KCNMA1: variants seen among roughly 807,000 people sequenced by gnomAD.
KCNMA1 encodes the protein potassium calcium-activated channel subfamily M alpha 1, also known as Calcium-activated potassium channel subunit alpha-1.
Under a neutral mutation model 140.0 loss-of-function variants are expected in KCNMA1, and 29 were observed. The ratio of observed to expected loss-of-function variants is 0.21; its 90% confidence interval spans 0.15 to 0.28. The LOEUF is 0.28. Among genes scored for constraint, KCNMA1 ranks in the 10% least tolerant of loss-of-function variants. The pLI is 1.00. For missense variants in KCNMA1, 880 were observed against 1,602.2 expected (o/e 0.55, Z 7.70); for synonymous variants, 612 against 611.9 (o/e 1.00, Z 0.00).
At chr10:77,148,982 C>A (rs1416539712) in intron 5 of KCNMA1, among the ~76,000 whole-genome samples, 1 of 152,140 alleles carries the variant, frequency 6.6e-6, no homozygotes, top group African/African-American at 2.4e-5. Context: ...CACTTTAGAA[C>A]CTAATATCAT....
At position 77,137,125 on chromosome 10, in the gene KCNMA1, C is replaced by T. The variant is rs185370864; in HGVS notation, c.809-16077G>A. Among the ~76,000 whole-genome samples the T allele has an allele frequency of 6.7e-4, 28 of 41,802 alleles. No homozygotes were observed. The East Asian group carries it at 0.026, about 38-fold the overall frequency. The allele number at this position is 41,802 out of a possible 152,430, so 27.4% of individuals were successfully genotyped here. On this transcript the variant is annotated intron_variant, in intron 5 of 27. Coordinates refer to ENST00000286628, the MANE Select transcript of KCNMA1 (RefSeq NM_001161352.2). ...TGAGGGATAAACAGGTAAATGATAA[C>T]TCATTCACTGCTTCAGGGTTCCTGT...
chr10:77,548,222 G>A (rs570118711), intron 1 of KCNMA1, among the ~76,000 whole-genome samples: 1 of 152,282 alleles, frequency 6.6e-6, no homozygotes, highest in Admixed American at 6.5e-5. Context: ...TGCCTCAGGT[G>A]ACAGACATCC....
intron 1 of KCNMA1, among the ~76,000 whole-genome samples, chr10:77,533,937 G>A (rs1410954141): frequency 6.6e-6 from 1 of 152,148 alleles, no homozygotes; most frequent in East Asian, 1.9e-4. Flanking sequence ...CCTGATTACA[G>A]AGGGAGAACC....
intron 2 of KCNMA1, among the ~76,000 whole-genome samples, chr10:77,387,566 CTTTTCTTTT>C (rs1483845374): frequency 1.3e-5 from 2 of 149,852 alleles, no homozygotes; most frequent in Non-Finnish European, 3.0e-5. Context: ...TTTTTCTTTT[CTTTTCTTTT>C]TTTTCTTTTC....
intron 16 of KCNMA1, chr10:77,020,927 G>C (rs1308411738): frequency 6.6e-6 from 1 of 151,904 alleles, no homozygotes; most frequent in East Asian, 1.9e-4. Flanking sequence ...TACAAGAGGT[G>C]GATAATGGTA....
At chr10:77,337,966 C>G (rs1401183324) in intron 2 of KCNMA1, among the ~76,000 whole-genome samples, 1 of 152,132 alleles carries the variant, frequency 6.6e-6, no homozygotes, top group South Asian at 2.1e-4. Context: ...TTCAGTACAA[C>G]CTATACAGAA....
At chr10:77,436,478 A>C (rs1412420252) in intron 1 of KCNMA1, among the ~76,000 whole-genome samples, 1 of 152,242 alleles carries the variant, frequency 6.6e-6, no homozygotes, top group Non-Finnish European at 1.5e-5. Context: ...CTTGCAGAGA[A>C]AGGAAGGGGA....
intron 14 of KCNMA1, among the ~76,000 whole-genome samples, chr10:77,060,184 A>T (rs1298877740): frequency 6.7e-6 from 1 of 148,924 alleles, no homozygotes; most frequent in Admixed American, 6.7e-5. Flanking sequence ...ACACAGGAGG[A>T]ATTTTTTTTA....
chr10:77,593,858 C>T (rs1210477542), intron 1 of KCNMA1, among the ~76,000 whole-genome samples: 1 of 152,202 alleles, frequency 6.6e-6, no homozygotes, highest in Non-Finnish European at 1.5e-5. Flanking sequence ...AATAAGGAAA[C>T]CCAGGCATTC....
chr10:76,937,796 T>A (rs1274588727), intron 23 of KCNMA1, among the ~76,000 whole-genome samples: 2 of 152,182 alleles, frequency 1.3e-5, no homozygotes, highest in East Asian at 1.9e-4. Flanking sequence ...TTGAGGCTCT[T>A]AACCTTTGTT....
At chr10:77,485,188 G>A (rs954093604) in intron 1 of KCNMA1, among the ~76,000 whole-genome samples, 2 of 152,150 alleles carry the variant, frequency 1.3e-5, no homozygotes, top group East Asian at 1.9e-4. Context: ...CCACTCCCAC[G>A]TGTGTATTTG....
intron 14 of KCNMA1, among the ~76,000 whole-genome samples, chr10:77,047,653 T>TAG (rs1405778491): frequency 6.6e-6 from 1 of 151,038 alleles, no homozygotes; most frequent in Non-Finnish European, 1.5e-5. Context: ...CTCTCCAATA[T>TAG]AGAAAAGGTG....
chr10:77,178,843 A>G (rs181794185), intron 5 of KCNMA1, among the ~76,000 whole-genome samples: 6 of 152,366 alleles, frequency 3.9e-5, no homozygotes, highest in Non-Finnish European at 5.9e-5. Context: ...TCAAATCTCA[A>G]AATAAGATAA....
chr10:77,509,181 T>C (rs532288755), intron 1 of KCNMA1, among the ~76,000 whole-genome samples: 26 of 152,204 alleles, frequency 1.7e-4, no homozygotes, highest in African/African-American at 5.5e-4. Flanking sequence ...AGTGCAGTGA[T>C]GCAATCTCGG....
At chr10:77,523,939 A>C (rs1048806742) in intron 1 of KCNMA1, among the ~76,000 whole-genome samples, 13 of 152,178 alleles carry the variant, frequency 8.5e-5, no homozygotes, top group Non-Finnish European at 1.9e-4. Context: ...AAAATAACTT[A>C]AAGAATGTAA....
chr10:77,277,281 C>T (rs575173983), intron 2 of KCNMA1, among the ~76,000 whole-genome samples: 1 of 152,190 alleles, frequency 6.6e-6, no homozygotes, highest in South Asian at 2.1e-4. Flanking sequence ...GGCCTCAGCT[C>T]CCTGGGGTTC....
intron 1 of KCNMA1, among the ~76,000 whole-genome samples, chr10:77,523,212 C>CCG (rs1267470345): frequency 1.3e-5 from 2 of 150,382 alleles, no homozygotes; most frequent in Non-Finnish European, 1.5e-5. Context: ...TGCCCCCCCC[C>CCG]CTTGCAATCA....
At chr10:77,506,620 T>TGTGTGTGTG (rs1567212074) in intron 1 of KCNMA1, among the ~76,000 whole-genome samples, 9 of 104,188 alleles carry the variant, frequency 8.6e-5, no homozygotes, top group African/African-American at 2.8e-4. Context: ...TGTGTGTGTG[T>TGTGTGTGTG]TAGAGAGGGA....
At chr10:77,109,905 A>C (rs901861799) in intron 8 of KCNMA1, among the ~76,000 whole-genome samples, 13 of 152,314 alleles carry the variant, frequency 8.5e-5, no homozygotes, top group African/African-American at 3.1e-4. Flanking sequence ...TATTAACAGC[A>C]TCACTTTTCT....
Sources: allele counts gnomAD v4.1 joint callset (sites outside exome capture counted in the v4.1 genomes callset), GRCh38; gene constraint gnomAD v4.1.1; transcripts MANE v1.5; gene names NCBI Gene and HGNC (gene_info 2026-07-23, HGNC 2026-07-21).